Variants in FAM20A observed in about 807,000 individuals in gnomAD.
FAM20A encodes FAM20A golgi associated secretory pathway pseudokinase.
Under a neutral mutation model 52.0 loss-of-function variants are expected in FAM20A, and 42 were observed. That is an observed-to-expected ratio of 0.81 (90% confidence interval 0.63 to 1.04). The LOEUF (loss-of-function observed/expected upper bound fraction) is 1.04. FAM20A is among the 50% of genes least tolerant of loss of function. The pLI, the probability that FAM20A is intolerant of heterozygous loss-of-function variation, is 0.00. For missense variants in FAM20A, 742 were observed against 712.7 expected, an observed-to-expected ratio of 1.04 and a Z score of -0.47; for synonymous variants, 304 against 298.9, an observed-to-expected ratio of 1.02 and a Z score of -0.18.
At position 68,554,760 on chromosome 17, in the gene FAM20A, G is replaced by A. The variant is rs1307743380; in HGVS notation, c.640+17C>T. ...GAGGGTGAAGAGGCTGGGTGGGGGT[G>A]GGGCTAGGTCACTTACTCTGGGTGC... is the stretch of plus-strand genomic sequence containing the variant. On this transcript the variant is annotated intron_variant, in intron 3 of 10. Coordinates refer to ENST00000592554, the MANE Select transcript of FAM20A (RefSeq NM_017565.4). 2 of 1,613,156 alleles carry A rather than the reference G, an allele frequency of 1.2e-6. No individual in the cohort carries two copies. Among genetic ancestry groups the A allele is most frequent in the East Asian group, 2.2e-5 (1 of 44,860 alleles).
At position 68,571,814 on chromosome 17, in the gene FAM20A, CAA is replaced by C. The variant is rs572485327; in HGVS notation, c.405-16073_405-16072del. 1.6e-3 allele frequency among the ~76,000 whole-genome samples: 244 copies of C among 151,176 alleles called. 2 individuals carry two copies. The highest frequency in any genetic ancestry group is 5.4e-3 in the African/African-American group (223 of 41,194). On this transcript the variant is annotated intron_variant, in intron 1 of 10. Coordinates refer to ENST00000592554, the MANE Select transcript of FAM20A (RefSeq NM_017565.4). The stretch of plus-strand genomic sequence containing the variant: ...TACAATTTGGAGGACCATCTTTAAG[CAA>C]AAGAGTACAAAATTACGAATACAAA...
intron 1 of FAM20A, chr17:68,575,161 C>T (rs2087691641): frequency 1.3e-5 from 2 of 151,800 alleles, no homozygotes; most frequent in Admixed American, 6.6e-5. Flanking sequence ...ACATCTTGAG[C>T]TTGGACTTCT....
At chr17:68,541,401 T>C in intron 7 of FAM20A, 1 of 221,670 alleles carries the variant, frequency 4.5e-6, no homozygotes, top group South Asian at 6.9e-5. Context: ...ATCCGAGGGC[T>C]CTTCTCAGCC....
At chr17:68,558,429 G>T in intron 1 of FAM20A, 1 of 383,266 alleles carries the variant, frequency 2.6e-6, no homozygotes, top group Non-Finnish European at 5.3e-6. Context: ...TTGTAACATA[G>T]GGGTGGGTCC....
intron 1 of FAM20A, among the ~76,000 whole-genome samples, chr17:68,594,226 C>T (rs1186024987): frequency 1.3e-5 from 2 of 152,016 alleles, no homozygotes; most frequent in African/African-American, 2.4e-5. Flanking sequence ...GGTGAAACGC[C>T]GTCTCTACTA....
intron 7 of FAM20A, chr17:68,541,192 A>T (rs2086274536): frequency 3.7e-6 from 2 of 537,894 alleles, no homozygotes; most frequent in South Asian, 4.0e-5. Flanking sequence ...CATGGTTGGG[A>T]TACTGTGTGC....
rs16973042 is a variant in FAM20A, at chr17:68,542,678, C to T, written c.928+16G>A. On this transcript the variant is annotated intron_variant, in intron 6 of 10. Transcript: ENST00000592554. ...ATCTACTCAGACCCGGAATATCACT[C>T]GGGCCAGTACTCTACCTGGAGAGAC... The T allele has an allele frequency of 2.5e-3, 3,990 of 1,592,254 alleles. 87 individuals are homozygous for T. In the African/African-American group the frequency reaches 0.047, roughly 19 times the overall value.
chr17:68,580,755 A>T (rs561338810), intron 1 of FAM20A, among the ~76,000 whole-genome samples: 1 of 152,328 alleles, frequency 6.6e-6, no homozygotes, highest in South Asian at 2.1e-4. Flanking sequence ...ACTACCTCTT[A>T]TGTGGCACTC....
chr17:68,565,466 T>C (rs2087352321), intron 1 of FAM20A, among the ~76,000 whole-genome samples: 1 of 149,098 alleles, frequency 6.7e-6, no homozygotes, highest in African/African-American at 2.5e-5. Context: ...CGGTCTTGGT[T>C]CACTGCAACC....
chr17:68,540,727 T>C (rs1044331446), intron 8 of FAM20A, 122 bp downstream of exon 8: 2 of 1,224,768 alleles, frequency 1.6e-6, no homozygotes, highest in African/African-American at 3.0e-5. Context: ...TCTGAGGCTG[T>C]GGGAGGTGCA....
At chr17:68,581,425 T>TCTTTTTC (rs1239596190) in intron 1 of FAM20A, among the ~76,000 whole-genome samples, 116 of 142,230 alleles carry the variant, frequency 8.2e-4, no homozygotes, top group Middle Eastern at 3.4e-3. Context: ...TTTTTCTCTT[T>TCTTTTTC]TCTTTCTTTC....
chr17:68,570,884 C>T (rs182832959), intron 1 of FAM20A, among the ~76,000 whole-genome samples: 20 of 152,300 alleles, frequency 1.3e-4, no homozygotes, highest in Middle Eastern at 6.8e-3. Flanking sequence ...ACTGAGGTCT[C>T]CTGGGGAGGA....
intron 1 of FAM20A, among the ~76,000 whole-genome samples, chr17:68,561,324 G>A (rs1344874961): frequency 6.6e-6 from 1 of 152,192 alleles, no homozygotes; most frequent in African/African-American, 2.4e-5. Context: ...GATAAAATGT[G>A]TTAGGTATGG....
At chr17:68,550,529 C>T (rs2086790294) in intron 4 of FAM20A, among the ~76,000 whole-genome samples, 1 of 151,986 alleles carries the variant, frequency 6.6e-6, no homozygotes, top group Non-Finnish European at 1.5e-5. Flanking sequence ...TGCATACACG[C>T]ACCACCATAC....
intron 1 of FAM20A, chr17:68,590,404 T>A (rs1343410263): frequency 6.6e-6 from 1 of 152,116 alleles, no homozygotes; most frequent in Non-Finnish European, 1.5e-5. Flanking sequence ...TCGCTCCCAG[T>A]TGAGACCTCT....
Position 68,539,941 on chromosome 17 carries a change from C to G in FAM20A, c.1245G>C (p.Glu415Asp). The change falls in exon 9 of 11, where the codon GAG becomes GAC. Residue 415 changes from glutamate to aspartate, a missense_variant. Coordinates refer to ENST00000592554, the MANE Select transcript of FAM20A (RefSeq NM_017565.4). Reference protein sequence around the residue: ...LIGNMDRHHYEMFTKFGDDGF... With the variant: ...LIGNMDRHHYDMFTKFGDDGF... Reference sequence around the variant, plus strand: ...CATCATCCCCGAACTTGGTGAACATCTCATAATGGTGCCGGTCCATATTCC... The same window carrying G: ...CATCATCCCCGAACTTGGTGAACATGTCATAATGGTGCCGGTCCATATTCC... 1 of 1,614,190 alleles carries G rather than the reference C, an allele frequency of 6.2e-7. No homozygotes were observed. Among genetic ancestry groups the G allele is most frequent in the Non-Finnish European group, 8.5e-7 (1 of 1,180,028 alleles).
At chr17:68,570,137 A>G (rs2087499469) in intron 1 of FAM20A, among the ~76,000 whole-genome samples, 1 of 152,152 alleles carries the variant, frequency 6.6e-6, no homozygotes, top group Admixed American at 6.5e-5. Flanking sequence ...GTGCAGTGGC[A>G]TGATCTCAGC....
chr17:68,575,726 T>A (rs1479892154), intron 1 of FAM20A, among the ~76,000 whole-genome samples: 9 of 123,114 alleles, frequency 7.3e-5, no homozygotes, highest in Non-Finnish European at 1.5e-4. Context: ...ATTTTATATT[T>A]TATATATTAT....
chr17:68,575,548 TATA>T (rs1183500744), intron 1 of FAM20A, among the ~76,000 whole-genome samples: 5 of 110,580 alleles, frequency 4.5e-5, no homozygotes, highest in African/African-American at 1.8e-4. Flanking sequence ...TTATATATTA[TATA>T]ATATATATTT....
Sources: allele counts gnomAD v4.1 joint callset (sites outside exome capture counted in the v4.1 genomes callset), GRCh38; gene constraint gnomAD v4.1.1; transcripts MANE v1.5; gene names NCBI Gene and HGNC (gene_info 2026-07-23, HGNC 2026-07-21).